KIF4A: variants seen among roughly 807,000 people sequenced by gnomAD.
KIF4A encodes the protein kinesin family member 4A.
KIF4A carries 7 observed loss-of-function variants against 105.9 expected under a neutral mutation model. The observed-to-expected ratio is 0.07, with a 90% CI of 0.04 to 0.12. KIF4A has a LOEUF of 0.12. KIF4A is among the 10% of genes least tolerant of loss of function. The probability of loss-of-function intolerance (pLI) is 1.00; values close to 1 mark genes in which losing one functional copy is unlikely to be tolerated. For synonymous variants in KIF4A, 281 were observed against 331.3 expected, an observed-to-expected ratio of 0.85 and a Z score of 1.65; for missense variants, 558 against 929.2, an observed-to-expected ratio of 0.60 and a Z score of 5.19.
At chrX:70,371,675 C>A (rs1430258903) in intron 15 of KIF4A, among the ~76,000 whole-genome samples, 1 of 107,469 alleles carries the variant, frequency 9.3e-6, no homozygotes, top group Non-Finnish European at 1.9e-5. Flanking sequence ...ACCTCCCTCC[C>A]GGACGGGACG....
At chrX:70,416,204 G>T (rs901904489) in intron 28 of KIF4A, among the ~76,000 whole-genome samples, 17 of 109,225 alleles carry the variant, frequency 1.6e-4, no homozygotes, top group Admixed American at 9.9e-5. Context: ...GTTGAGCCAG[G>T]GTACAATGAA....
chrX:70,349,353 G>GGCT (rs2086012471), intron 13 of KIF4A, among the ~76,000 whole-genome samples: 1 of 99,018 alleles, frequency 1.0e-5, no homozygotes, highest in African/African-American at 3.8e-5. Context: ...CAGATGGGGC[G>GGCT]GCCGGGCAGA....
intron 18 of KIF4A, among the ~76,000 whole-genome samples, chrX:70,379,758 T>G (rs2086189880): frequency 9.8e-6 from 1 of 101,536 alleles, no homozygotes; most frequent in Admixed American, 1.1e-4. Flanking sequence ...ACCGCTGCAC[T>G]CCAGCCTGGG....
rs41305391 is a variant in KIF4A at position 70,330,248 on chromosome X, T to C, written c.987T>C (p.Tyr329=). The change falls in exon 9 of 31, where the codon TAT becomes TAC. Residue 329 remains tyrosine, a synonymous_variant. Transcript: ENST00000374403. ...AGGAAACATTAAATACCCTTCGCTA[T>C]GCTGACAGAGCAAGAAAAATCAAGA... is the stretch of plus-strand genomic sequence containing the variant. ...NLEETLNTLR[Y]ADRARKIKNK... is the part of the protein sequence containing the mutation. 68,298 of 1,209,552 alleles carry C rather than the reference T, an allele frequency of 0.056. 1,572 individuals carry two copies. The highest frequency in any genetic ancestry group is 0.16 in the South Asian group (9,245 of 56,749).
At chrX:70,383,221 A>G (rs1000042871) in intron 18 of KIF4A, among the ~76,000 whole-genome samples, 6 of 111,069 alleles carry the variant, frequency 5.4e-5, no homozygotes, top group African/African-American at 2.0e-4. Context: ...ACCAATCAAC[A>G]ATAAAAATAT....
At position 70,348,007 on chromosome X, in the gene KIF4A, G is replaced by C. The variant is rs188220868; in HGVS notation, c.1431+4025G>C. On this transcript the variant is annotated intron_variant, in intron 13 of 30. Coordinates refer to ENST00000374403, the MANE Select transcript of KIF4A (RefSeq NM_012310.5). ...AAAAAAGAATGATTTAGTATGTCCT[G>C]CACTTGGAGAATCACCAGTACTACA... Among the ~76,000 whole-genome samples the C allele has an allele frequency of 7.9e-3, 783 of 98,926 alleles. 8 individuals carry two copies. The highest frequency in any genetic ancestry group is 0.028 in the African/African-American group (755 of 26,751). The allele number at this position is 98,926 out of a possible 115,157, so 85.9% of individuals were successfully genotyped here. A position where few individuals can be genotyped will look rare whatever the true frequency, so the allele number is the denominator to read the frequency against.
At chrX:70,313,012 G>A (rs2147666565) in intron 7 of KIF4A, among the ~76,000 whole-genome samples, 1 of 111,622 alleles carries the variant, frequency 9.0e-6, no homozygotes, top group East Asian at 2.8e-4. Context: ...TTTAAAAAGT[G>A]TATTTTCTCT....
rs755507870 is a variant in KIF4A at position 70,407,719 on chromosome X, C to T, written c.3255+644C>T. Among the ~76,000 whole-genome samples, 8 of 112,307 alleles carry T rather than the reference C, an allele frequency of 7.1e-5. No individual in the cohort carries two copies. The South Asian group carries it at 2.9e-3, about 41-fold the overall frequency. On this transcript the variant is annotated intron_variant, in intron 28 of 30. Coordinates refer to ENST00000374403, the MANE Select transcript of KIF4A (RefSeq NM_012310.5). The stretch of plus-strand genomic sequence containing the variant: ...AACAATTCTTCATGTTTTTATAGCA[C>T]TTTACAGTTTATAAACCATTCTCAT...
At chrX:70,316,124 A>C in intron 7 of KIF4A, among the ~76,000 whole-genome samples, 1 of 111,778 alleles carries the variant, frequency 8.9e-6, no homozygotes, top group East Asian at 2.8e-4. Flanking sequence ...TCAACTTACT[A>C]TCTTCCCAAA....
intron 7 of KIF4A, among the ~76,000 whole-genome samples, chrX:70,303,985 A>T (rs1177216978): frequency 6.3e-4 from 64 of 100,854 alleles, no homozygotes; most frequent in African/African-American, 2.2e-3. Flanking sequence ...CATGTGCACA[A>T]TGTGCAGGTT....
chrX:70,401,349 A>G (rs1435879072), intron 22 of KIF4A, among the ~76,000 whole-genome samples: 1 of 108,652 alleles, frequency 9.2e-6, no homozygotes, highest in African/African-American at 3.4e-5. Flanking sequence ...AAGTGCTGGG[A>G]TTGCAGGCGT....
Position 70,400,268 on chromosome X carries a change from C to T in KIF4A, c.2490-2298C>T, listed in dbSNP as rs755823393. Among the ~76,000 whole-genome samples the T allele has an allele frequency of 9.4e-3, 1,002 of 106,398 alleles. 11 individuals are homozygous for T. Among genetic ancestry groups the T allele is most frequent in the African/African-American group, 0.033 (961 of 29,132 alleles). 92.4% of individuals were successfully genotyped at this position (106,398 alleles called of 115,157 possible). A position where few individuals can be genotyped will look rare whatever the true frequency, so the allele number is the denominator to read the frequency against. On this transcript the variant is annotated intron_variant, in intron 22 of 30. Coordinates refer to ENST00000374403, the MANE Select transcript of KIF4A (RefSeq NM_012310.5). ...ATTCCCACCTATGAGTGAGAATATG[C>T]GGTGTTTGGTTTTTTTGTTCTTGCG...
At chrX:70,347,760 G>A (rs1240498150) in intron 13 of KIF4A, among the ~76,000 whole-genome samples, 5 of 104,070 alleles carry the variant, frequency 4.8e-5, no homozygotes, top group Non-Finnish European at 9.8e-5. Flanking sequence ...CGGATCACGA[G>A]GTCAGGAGAT....
chrX:70,374,339 T>G, intron 16 of KIF4A, 85 bp downstream of exon 16: 1 of 545,267 alleles, frequency 1.8e-6, no homozygotes, highest in Non-Finnish European at 2.9e-6. Flanking sequence ...GAAGTCCCAT[T>G]TACTGCCCCT....
chrX:70,396,580 T>G (rs1270027064), intron 22 of KIF4A, among the ~76,000 whole-genome samples: 2 of 111,740 alleles, frequency 1.8e-5, no homozygotes, highest in African/African-American at 3.3e-5. Context: ...CACCATAATT[T>G]TTGATGCAGT....
intron 20 of KIF4A, among the ~76,000 whole-genome samples, chrX:70,389,835 C>T (rs929334218): frequency 3.8e-4 from 43 of 111,957 alleles, no homozygotes; most frequent in African/African-American, 1.1e-3. Flanking sequence ...TGTTCTTTGT[C>T]AAAATTGTTT....
intron 7 of KIF4A, among the ~76,000 whole-genome samples, chrX:70,309,084 CAT>C (rs917471140): frequency 1.8e-5 from 2 of 112,048 alleles, no homozygotes; most frequent in Non-Finnish European, 3.8e-5. Flanking sequence ...ACATGATAAA[CAT>C]GTGAGAGTAT....
chrX:70,310,311 T>TTGTGTGTGTGTGTG (rs1555945529), intron 7 of KIF4A, among the ~76,000 whole-genome samples: 18 of 86,297 alleles, frequency 2.1e-4, no homozygotes, highest in African/African-American at 8.6e-4. Flanking sequence ...CTCAAAATGG[T>TTGTGTGTGTGTGTG]TGTGTGTGTG....
At chrX:70,393,860 T>TGCCCAGG (rs2086248558) in intron 20 of KIF4A, among the ~76,000 whole-genome samples, 1 of 8,411 alleles carries the variant, frequency 1.2e-4, no homozygotes, top group Non-Finnish European at 8.6e-4. Context: ...TTTCTTTCTT[T>TGCCCAGG]CTTTCTTTCT....
Sources: gnomAD v4.1 joint callset for allele counts (sites outside exome capture counted in the v4.1 genomes callset) on GRCh38, gnomAD v4.1.1 for gene constraint, MANE v1.5 for transcripts, NCBI Gene and HGNC (gene_info 2026-07-23, HGNC 2026-07-21) for gene names.